ARID5B: variants seen among roughly 807,000 people sequenced by gnomAD.
ARID5B encodes AT-rich interaction domain 5B, also known as AT-rich interactive domain-containing protein 5B.
Under a neutral mutation model 97.2 loss-of-function variants are expected in ARID5B, and 13 were observed. The ratio of observed to expected loss-of-function variants is 0.13; its 90% CI spans 0.09 to 0.21. ARID5B has a LOEUF of 0.21. Among genes scored for constraint, ARID5B ranks in the 10% least tolerant of loss-of-function variants. ARID5B has a pLI of 1.00. For synonymous variants in ARID5B, 556 were observed against 570.3 expected, an observed-to-expected ratio of 0.97 and a Z score of 0.36; for missense variants, 1,210 against 1,465.3, an observed-to-expected ratio of 0.83 and a Z score of 2.84.
chr10:62,081,434 G>A (rs1251322052), intron 8 of ARID5B, among the ~76,000 whole-genome samples: 1 of 152,190 alleles, frequency 6.6e-6, no homozygotes, highest in Non-Finnish European at 1.5e-5. Flanking sequence ...TTCCATGCAA[G>A]CATTAATCAA....
At chr10:62,039,739 G>A (rs116834273) in intron 4 of ARID5B, among the ~76,000 whole-genome samples, 1,602 of 152,304 alleles carry the variant, frequency 0.011, 25 homozygotes, top group African/African-American at 0.036. Flanking sequence ...TCTCCTCCCT[G>A]CCCCCAGAGT....
chr10:62,013,794 G>GTATATATATA lies in ARID5B; in HGVS notation c.733+13486_733+13495dup, dbSNP rs60930079. On this transcript the variant is annotated intron_variant, in intron 4 of 9. Transcript: ENST00000279873. ...TTAAGGCTAAATAGTATTCCATTGGGTATATATATATATATATATATACCA... is the reference window on the plus strand; with the variant it reads ...TTAAGGCTAAATAGTATTCCATTGGGTATATATATATATATATATATATATATATATACCA... 8.1e-3 allele frequency among the ~76,000 whole-genome samples: 1,128 copies of GTATATATATA among 138,882 alleles called. 16 individuals are homozygous for GTATATATATA. Among genetic ancestry groups the GTATATATATA allele is most frequent in the African/African-American group, 0.022 (842 of 38,580 alleles). The allele number at this position is 138,882 out of a possible 152,430, so 91.1% of individuals were successfully genotyped here. A position where few individuals can be genotyped will look rare whatever the true frequency, so the allele number is the denominator to read the frequency against.
chr10:62,064,412 T>G (rs1172610094), intron 7 of ARID5B, among the ~76,000 whole-genome samples: 1 of 152,332 alleles, frequency 6.6e-6, no homozygotes, highest in Admixed American at 6.5e-5. Context: ...ACTCTTCTGT[T>G]GACTTCGTAT....
intron 9 of ARID5B, among the ~76,000 whole-genome samples, chr10:62,087,432 C>A (rs1564648546): frequency 2.7e-5 from 4 of 150,254 alleles, no homozygotes; most frequent in Admixed American, 2.7e-4. Context: ...AAGCCCCCAA[C>A]AGCCTTTTGG....
chr10:62,054,209 G>T (rs1839826545), intron 5 of ARID5B, among the ~76,000 whole-genome samples: 1 of 152,148 alleles, frequency 6.6e-6, no homozygotes, highest in South Asian at 2.1e-4. Context: ...ACCATCAAAA[G>T]GCTGGGCTTT....
In ARID5B at chr10:62,010,840, A is replaced by T. The variant is rs76496150; in HGVS notation, c.733+10519A>T. On this transcript the variant is annotated intron_variant, in intron 4 of 9. Transcript: ENST00000279873. ...AACCTTTCCAACTTGTAACACAGAT[A>T]CCAGAATTCGCCGTGGCCAATCAAG... Among the ~76,000 whole-genome samples the T allele has an allele frequency of 2.8e-4, 42 of 152,346 alleles. No homozygotes were observed. In the East Asian group the frequency reaches 8.1e-3, roughly 29 times the overall value.
chr10:61,929,983 T>G (rs887765872), intron 2 of ARID5B, among the ~76,000 whole-genome samples: 16 of 152,206 alleles, frequency 1.1e-4, no homozygotes, highest in African/African-American at 3.9e-4. Flanking sequence ...TGAGCTTGAG[T>G]TGACTCTGAG....
chr10:61,961,104 T>C (rs1384748576), intron 3 of ARID5B, among the ~76,000 whole-genome samples: 1 of 152,226 alleles, frequency 6.6e-6, no homozygotes, highest in African/African-American at 2.4e-5. Flanking sequence ...TCCTAGACTT[T>C]AGTCATTTAT....
At chr10:62,061,006 T>C (rs1291734773) in intron 7 of ARID5B, among the ~76,000 whole-genome samples, 1 of 151,912 alleles carries the variant, frequency 6.6e-6, no homozygotes, top group Non-Finnish European at 1.5e-5. Flanking sequence ...TTTGAACAAA[T>C]AGTATTTATC....
chr10:61,916,444 C>T (rs1334232311), intron 2 of ARID5B, among the ~76,000 whole-genome samples: 4 of 152,048 alleles, frequency 2.6e-5, no homozygotes, highest in Non-Finnish European at 5.9e-5. Flanking sequence ...AAATGCCAAC[C>T]CCTCATTTAA....
chr10:62,093,502 G>A lies in ARID5B; in HGVS notation c.*472G>A, dbSNP rs2132989576. 4.2e-6 allele frequency: 1 copy of A among 238,098 alleles called. No homozygotes were observed. The highest frequency in any genetic ancestry group is 6.0e-5 in the East Asian group (1 of 16,636). The allele number at this position is 238,098 out of a possible 1,614,324, so 14.7% of individuals were successfully genotyped here. A position where few individuals can be genotyped will look rare whatever the true frequency, so the allele number is the denominator to read the frequency against. ...TGCAATGTATAGTGAAACTTCAATA[G>A]ATCTTTCATTTTGACACTATTAAAC... On this transcript the variant is annotated 3_prime_UTR_variant, in exon 10 of 10. Coordinates refer to ENST00000279873, the MANE Select transcript of ARID5B (RefSeq NM_032199.3).
intron 3 of ARID5B, among the ~76,000 whole-genome samples, chr10:61,942,862 T>A (rs1488183754): frequency 2.0e-5 from 3 of 152,334 alleles, no homozygotes; most frequent in African/African-American, 7.2e-5. Flanking sequence ...TTTGTTTTGG[T>A]CTCATTTTGG....
intron 4 of ARID5B, among the ~76,000 whole-genome samples, chr10:62,011,902 T>C (rs1308919124): frequency 6.6e-6 from 1 of 152,124 alleles, no homozygotes; most frequent in Non-Finnish European, 1.5e-5. Context: ...GGGCACGGCA[T>C]CACAGCTGTG....
chr10:62,066,812 T>C (rs1036171596), intron 7 of ARID5B, among the ~76,000 whole-genome samples: 1 of 152,164 alleles, frequency 6.6e-6, no homozygotes, highest in East Asian at 1.9e-4. Flanking sequence ...ACCCTAAATA[T>C]CCCCGGCTTT....
At chr10:61,955,608 A>T (rs556101888) in intron 3 of ARID5B, among the ~76,000 whole-genome samples, 42 of 152,318 alleles carry the variant, frequency 2.8e-4, no homozygotes, top group Non-Finnish European at 5.6e-4. Flanking sequence ...CATCTTTACT[A>T]TACTTACTAT....
In ARID5B at chr10:62,092,120, C is replaced by T; in HGVS notation, c.2657C>T (p.Ser886Phe). 1 of 1,610,782 alleles carries T rather than the reference C, an allele frequency of 6.2e-7. No homozygotes were observed. Among genetic ancestry groups the T allele is most frequent in the Non-Finnish European group, 8.5e-7 (1 of 1,178,842 alleles). ...AAGCTCCATGTAAATTATCTCACGT[C>T]CCTGCACCTGCAAGACAAAAAGTCG... ...QEKLHVNYLT[S>F]LHLQDKKSAA... Residue 886 changes from serine to phenylalanine, a missense_variant, in exon 10 of 10, where the codon TCC becomes TTC. Around this residue, in one of 8 missense-constraint regions of ARID5B, gnomAD observed 800 missense variants for 839.1 expected, o/e 0.95. Coordinates refer to ENST00000279873, the MANE Select transcript of ARID5B (RefSeq NM_032199.3).
At chr10:61,927,341 C>T (rs1844125271) in intron 2 of ARID5B, among the ~76,000 whole-genome samples, 1 of 152,154 alleles carries the variant, frequency 6.6e-6, no homozygotes. Flanking sequence ...ATAACATAGA[C>T]TTGCCAGGGT....
intron 7 of ARID5B, among the ~76,000 whole-genome samples, chr10:62,065,289 G>C (rs1244018586): frequency 6.6e-6 from 1 of 152,098 alleles, no homozygotes; most frequent in Non-Finnish European, 1.5e-5. Context: ...TTGCGTTATG[G>C]TTAATTGTGT....
chr10:62,037,512 C>T (rs1839581456), intron 4 of ARID5B, among the ~76,000 whole-genome samples: 1 of 152,218 alleles, frequency 6.6e-6, no homozygotes, highest in Non-Finnish European at 1.5e-5. Context: ...TTGCCGTACA[C>T]AAAGATTGGC....
Sources: allele counts gnomAD v4.1 joint callset (sites outside exome capture counted in the v4.1 genomes callset), GRCh38; gene constraint gnomAD v4.1.1; regional missense constraint gnomAD v4.1.1; transcripts MANE v1.5; gene names NCBI Gene and HGNC (gene_info 2026-07-23, HGNC 2026-07-21).